The following TRPC6 variants were observed in gnomAD, a reference collection of about 807,000 sequenced individuals.
The protein encoded by TRPC6 is short transient receptor potential channel 6.
Under a neutral mutation model 90.7 loss-of-function variants are expected in TRPC6, and 55 were observed. That is an observed-to-expected ratio of 0.61 (90% CI 0.49 to 0.76). The LOEUF is 0.76. TRPC6 is among the 30% of genes least tolerant of loss of function. TRPC6 has a pLI of 0.00. For synonymous variants in TRPC6, 393 were observed against 393.0 expected, an observed-to-expected ratio of 1.00 and a Z score of 0.00; for missense variants, 989 against 1,122.7, an observed-to-expected ratio of 0.88 and a Z score of 1.70.
rs567693873 is a variant in TRPC6, at chr11:101,531,716, A to G, written c.171-26918T>C. 2.7e-3 allele frequency among the ~76,000 whole-genome samples: 412 copies of G among 152,314 alleles called. 1 individual carries two copies. The highest frequency in any genetic ancestry group is 5.1e-3 in the Non-Finnish European group (345 of 68,014). ...CCCAATCTAAATATGCAAGGCCCAAATCAGCAAATTTTCCACATCCATTGT... is the reference window on the plus strand; with the variant it reads ...CCCAATCTAAATATGCAAGGCCCAAGTCAGCAAATTTTCCACATCCATTGT... On this transcript the variant is annotated intron_variant, in intron 1 of 12. Transcript: ENST00000344327.
chr11:101,470,920 G>C (rs1475643594), intron 9 of TRPC6, among the ~76,000 whole-genome samples: 3 of 149,414 alleles, frequency 2.0e-5, no homozygotes, highest in Non-Finnish European at 3.0e-5. Context: ...GCCCAGAATA[G>C]TTCTTCTTTC....
intron 1 of TRPC6, among the ~76,000 whole-genome samples, chr11:101,575,722 A>C (rs1241035082): frequency 6.6e-6 from 1 of 152,204 alleles, no homozygotes; most frequent in Non-Finnish European, 1.5e-5. Flanking sequence ...TTGACCTCCA[A>C]AGATGGCTAA....
At chr11:101,476,582 A>G (rs747453539) in intron 5 of TRPC6, 48 bp from the exon 6 acceptor site, 1 of 1,523,670 alleles carries the variant, frequency 6.6e-7, no homozygotes, top group African/African-American at 1.4e-5. Context: ...ATTCAGCCTT[A>G]GCTGTTCTAT....
In TRPC6 at chr11:101,488,919, C is replaced by T; in HGVS notation, c.1293+18G>A. On this transcript the variant is annotated intron_variant, in intron 4 of 12. Transcript: ENST00000344327. ...ATATTTCTAGTAGATAATAGAGGTC[C>T]AGGCTTCACATACATACCTTGCTGC... 2 of 1,610,990 alleles carry T rather than the reference C, an allele frequency of 1.2e-6. No individual in the cohort carries two copies. The highest frequency in any genetic ancestry group is 1.7e-6 in the Non-Finnish European group (2 of 1,179,902).
In TRPC6 at chr11:101,583,805, G is replaced by C; in HGVS notation, c.-302C>G. The stretch of plus-strand genomic sequence containing the variant: ...GGGCAGAGAGGGCACAGGCGGGGCC[G>C]CTGGTGGTAGCGAAGCGTAAGAGCG... On this transcript the variant is annotated 5_prime_UTR_variant, in exon 1 of 13. Transcript: ENST00000344327. The C allele has an allele frequency of 2.9e-6, 1 of 340,360 alleles. No individual in the cohort carries two copies. Among genetic ancestry groups the C allele is most frequent in the Non-Finnish European group, 5.3e-6 (1 of 188,438 alleles). 21.1% of individuals were successfully genotyped at this position (340,360 alleles called of 1,614,324 possible). A position where few individuals can be genotyped will look rare whatever the true frequency, so the allele number is the denominator to read the frequency against.
chr11:101,559,904 G>A (rs1215147047), intron 1 of TRPC6, among the ~76,000 whole-genome samples: 2 of 150,990 alleles, frequency 1.3e-5, no homozygotes, highest in African/African-American at 2.4e-5. Flanking sequence ...TTGTCCTTGC[G>A]ATAGTTTGCT....
chr11:101,494,469 C>T (rs988264039), intron 2 of TRPC6, among the ~76,000 whole-genome samples: 3 of 152,062 alleles, frequency 2.0e-5, no homozygotes, highest in Non-Finnish European at 4.4e-5. Flanking sequence ...AAGAGAAGAT[C>T]TGGAAACAGG....
chr11:101,583,758 C>T lies in TRPC6; in HGVS notation c.-255G>A. 1 of 392,126 alleles carries T rather than the reference C, an allele frequency of 2.6e-6. No homozygotes were observed. 24.3% of individuals were successfully genotyped at this position (392,126 alleles called of 1,614,324 possible). A position where few individuals can be genotyped will look rare whatever the true frequency, so the allele number is the denominator to read the frequency against. ...AGCAGGTCAGGCCGAGGAGACCCCG[C>T]GAGGATGCGTCTGGGGCGCCCGGGC... On this transcript the variant is annotated 5_prime_UTR_variant, in exon 1 of 13. Coordinates refer to ENST00000344327, the MANE Select transcript of TRPC6 (RefSeq NM_004621.6).
At chr11:101,542,959 T>G (rs4754013) in intron 1 of TRPC6, among the ~76,000 whole-genome samples, 54,735 of 151,890 alleles carry the variant, frequency 0.36, 10,220 homozygotes, top group East Asian at 0.44. Context: ...AAAATTATAA[T>G]CTTCTGCTCT....
chr11:101,563,224 G>C lies in TRPC6; in HGVS notation c.170+20110C>G, dbSNP rs888235388. On this transcript the variant is annotated intron_variant, in intron 1 of 12. Coordinates refer to ENST00000344327, the MANE Select transcript of TRPC6 (RefSeq NM_004621.6). ...ACTTCAAAAAGTTCTACCACATAGTGTTGTACTAGAAACTGATTATAAGGT... is the reference window on the plus strand; with the variant it reads ...ACTTCAAAAAGTTCTACCACATAGTCTTGTACTAGAAACTGATTATAAGGT... 2.0e-5 allele frequency among the ~76,000 whole-genome samples: 3 copies of C among 152,168 alleles called. No individual in the cohort carries two copies. In the East Asian group the frequency reaches 5.8e-4, roughly 29 times the overall value.
intron 1 of TRPC6, among the ~76,000 whole-genome samples, chr11:101,507,006 AACACACACACACACACACACACAC>A (rs10590147): frequency 1.5e-5 from 2 of 131,166 alleles, no homozygotes; most frequent in African/African-American, 5.7e-5. Flanking sequence ...CTCTCTCTCT[AACACACACACACACACACACACAC>A]ACACACACAC....
At chr11:101,502,555 T>C (rs7104033) in intron 2 of TRPC6, among the ~76,000 whole-genome samples, 69,757 of 152,008 alleles carry the variant, frequency 0.46, 16,377 homozygotes, top group African/African-American at 0.55. Flanking sequence ...ATGTTGAAAT[T>C]AGGCAAAATT....
At chr11:101,524,907 A>T (rs1291933721) in intron 1 of TRPC6, among the ~76,000 whole-genome samples, 1 of 152,248 alleles carries the variant, frequency 6.6e-6, no homozygotes, top group African/African-American at 2.4e-5. Context: ...ACAAAATGTA[A>T]TGCTGCTTCA....
chr11:101,461,773 A>G (rs954456255), intron 10 of TRPC6, among the ~76,000 whole-genome samples: 3 of 152,176 alleles, frequency 2.0e-5, no homozygotes, highest in South Asian at 4.1e-4. Flanking sequence ...AAACTAAGAC[A>G]TGGGCTCTAT....
At chr11:101,570,603 C>T (rs1310812851) in intron 1 of TRPC6, among the ~76,000 whole-genome samples, 1 of 152,158 alleles carries the variant, frequency 6.6e-6, no homozygotes, top group Non-Finnish European at 1.5e-5. Context: ...CTCTGATGAA[C>T]ATTGATCCGA....
intron 5 of TRPC6, among the ~76,000 whole-genome samples, chr11:101,476,902 A>G (rs1859431342): frequency 6.6e-6 from 1 of 152,168 alleles, no homozygotes; most frequent in Non-Finnish European, 1.5e-5. Flanking sequence ...CCGCAGATGG[A>G]GTATTATCAA....
Position 101,498,050 on chromosome 11 carries a change from T to C in TRPC6, c.945+5974A>G, listed in dbSNP as rs1565217732. 2.0e-5 allele frequency among the ~76,000 whole-genome samples: 3 copies of C among 152,340 alleles called. No individual in the cohort carries two copies. In the East Asian group the frequency reaches 5.8e-4, roughly 29 times the overall value. On this transcript the variant is annotated intron_variant, in intron 2 of 12. Transcript: ENST00000344327. ...GAAATTAAGAATGCTGGGGAATGTG[T>C]TTGTGGACAAGACCATCCCTGGTAT...
chr11:101,482,930 A>G lies in TRPC6; in HGVS notation c.1510+19T>C. On this transcript the variant is annotated intron_variant, in intron 5 of 12. Coordinates refer to ENST00000344327, the MANE Select transcript of TRPC6 (RefSeq NM_004621.6). ...GCTAAGACTGCAAACAGAAAACATG[A>G]CAGAAAATCAGTCTTTACCTATTAC... The G allele has an allele frequency of 1.2e-6, 2 of 1,612,792 alleles. No individual in the cohort carries two copies. Among genetic ancestry groups the G allele is most frequent in the African/African-American group, 2.7e-5 (2 of 75,020 alleles).
rs1427139373 is a variant in TRPC6, at chr11:101,583,664, G to T, written c.-161C>A. 2.8e-6 allele frequency: 2 copies of T among 701,772 alleles called. No homozygotes were observed. The highest frequency in any genetic ancestry group is 4.2e-6 in the Non-Finnish European group (2 of 471,472). The allele number at this position is 701,772 out of a possible 1,614,324, so 43.5% of individuals were successfully genotyped here. A position where few individuals can be genotyped will look rare whatever the true frequency, so the allele number is the denominator to read the frequency against. Reference sequence around the variant, plus strand: ...GAAGCAGGGGGTGCAGACGCCCGCCGCAAGTGGCTCGCCCACTGGCCCGGG... The same window carrying T: ...GAAGCAGGGGGTGCAGACGCCCGCCTCAAGTGGCTCGCCCACTGGCCCGGG... On this transcript the variant is annotated 5_prime_UTR_variant, in exon 1 of 13. Coordinates refer to ENST00000344327, the MANE Select transcript of TRPC6 (RefSeq NM_004621.6).
Sources: gnomAD v4.1 joint callset for allele counts (sites outside exome capture counted in the v4.1 genomes callset) on GRCh38, gnomAD v4.1.1 for gene constraint, MANE v1.5 for transcripts, NCBI Gene and HGNC (gene_info 2026-07-23, HGNC 2026-07-21) for gene names.